UNC80: variants seen among roughly 807,000 people sequenced by gnomAD.
UNC80 encodes the protein unc-80 subunit of NALCN channel complex, also known as protein unc-80 homolog.
A neutral mutation model predicts 384.6 loss-of-function variants in UNC80; 164 were observed. That is an observed-to-expected ratio of 0.43 (90% CI 0.38 to 0.49). UNC80 has a LOEUF of 0.49. Among genes scored for constraint, UNC80 ranks in the 20% least tolerant of loss-of-function variants. The pLI is 0.00. For synonymous variants in UNC80, 1,486 were observed against 1,527.8 expected, an observed-to-expected ratio of 0.97 and a Z score of 0.64; for missense variants, 3,330 against 4,143.0, an observed-to-expected ratio of 0.80 and a Z score of 5.39.
chr2:209,882,315 A>G (rs1288414041), intron 25 of UNC80, among the ~76,000 whole-genome samples: 1 of 152,082 alleles, frequency 6.6e-6, no homozygotes, highest in Non-Finnish European at 1.5e-5. Flanking sequence ...CCGTGTCCCA[A>G]GCAAGGCCAG....
At chr2:209,911,844 C>G (rs2124940531) in intron 29 of UNC80, among the ~76,000 whole-genome samples, 1 of 152,324 alleles carries the variant, frequency 6.6e-6, no homozygotes, top group South Asian at 2.1e-4. Context: ...TTCAGTCCAT[C>G]CCTTGGCATT....
In UNC80 at chr2:209,967,786, C is replaced by A. The variant is rs769365363; in HGVS notation, c.8006+149C>A. 4.3e-4 allele frequency: 281 copies of A among 650,960 alleles called. 1 individual carries two copies. In the Middle Eastern group the frequency reaches 5.1e-3, roughly 12 times the overall value. 40.3% of individuals were successfully genotyped at this position (650,960 alleles called of 1,614,324 possible). On this transcript the variant is annotated intron_variant, in intron 52 of 64. Coordinates refer to ENST00000673920, the MANE Select transcript of UNC80 (RefSeq NM_001371986.1). ...GCATAGTTAATAGGGTCTATGAATG[C>A]CTAAGTAGCAAAGCCTACATTTTGA...
chr2:209,820,689 A>C lies in UNC80; in HGVS notation c.2331+10A>C, dbSNP rs1198764272. On this transcript the variant is annotated intron_variant, in intron 13 of 64. Coordinates refer to ENST00000673920, the MANE Select transcript of UNC80 (RefSeq NM_001371986.1). The stretch of plus-strand genomic sequence containing the variant: ...TAAGAACCAAGAGAAGGTATGACTG[A>C]ACCACCTTATGTGTCCTCATGAAAT... 6.5e-7 allele frequency: 1 copy of C among 1,528,086 alleles called. No individual in the cohort carries two copies. Among genetic ancestry groups the C allele is most frequent in the African/African-American group, 1.4e-5 (1 of 72,198 alleles). 94.7% of individuals were successfully genotyped at this position (1,528,086 alleles called of 1,614,324 possible). A position where few individuals can be genotyped will look rare whatever the true frequency, so the allele number is the denominator to read the frequency against.
rs969184195 is a variant in UNC80 at position 209,941,444 on chromosome 2, C to A, written c.6870C>A (p.Leu2290=). Residue 2290 remains leucine (L), a synonymous_variant, in exon 44 of 65, where the codon CTC becomes CTA. Transcript: ENST00000673920. ...VINTAVHFNH[L]FSLSGYQWIL... Reference sequence around the variant, plus strand: ...ACACCGCGGTGCACTTCAACCACCTCTTCTCTCTCAGCGGCTACCAGTGGA... The same window carrying A: ...ACACCGCGGTGCACTTCAACCACCTATTCTCTCTCAGCGGCTACCAGTGGA... 4 of 1,545,268 alleles carry A rather than the reference C, an allele frequency of 2.6e-6. No homozygotes were observed. Among genetic ancestry groups the A allele is most frequent in the Admixed American group, 2.0e-5 (1 of 50,884 alleles).
chr2:209,933,827 A>T lies in UNC80; in HGVS notation c.6000A>T (p.Gly2000=). 1 of 1,550,382 alleles carries T rather than the reference A, an allele frequency of 6.5e-7. No individual in the cohort carries two copies. Among genetic ancestry groups the T allele is most frequent in the Non-Finnish European group, 8.7e-7 (1 of 1,146,340 alleles). ...CTTCTTATACTGACTTCTAGGTAGG[A>T]TTAATCATGTACTTTGTGCGGACCC... is the stretch of plus-strand genomic sequence containing the variant. The part of the protein sequence containing the change: ...TSHILFNYLV[G]LIMYFVRTPC... Residue 2000 remains glycine, a synonymous_variant, in exon 39 of 65, where the codon GGA becomes GGT. Coordinates refer to ENST00000673920, the MANE Select transcript of UNC80 (RefSeq NM_001371986.1).
At chr2:209,864,831 A>G (rs935472674) in intron 22 of UNC80, among the ~76,000 whole-genome samples, 16 of 152,178 alleles carry the variant, frequency 1.1e-4, no homozygotes, top group African/African-American at 3.1e-4. Flanking sequence ...CCCTCCCACA[A>G]GGAGTTCAAA....
intron 26 of UNC80, among the ~76,000 whole-genome samples, chr2:209,889,171 G>A (rs891969888): frequency 6.6e-6 from 1 of 152,072 alleles, no homozygotes; most frequent in African/African-American, 2.4e-5. Context: ...TTTTTAAATG[G>A]GAGACTACTT....
At chr2:209,831,073 T>C (rs2080928231) in intron 15 of UNC80, among the ~76,000 whole-genome samples, 1 of 152,232 alleles carries the variant, frequency 6.6e-6, no homozygotes, top group South Asian at 2.1e-4. Flanking sequence ...GAATTCTCCA[T>C]TGAGGGGTTA....
At chr2:209,909,333 G>A (rs1046798707) in intron 29 of UNC80, among the ~76,000 whole-genome samples, 1 of 152,152 alleles carries the variant, frequency 6.6e-6, no homozygotes, top group African/African-American at 2.4e-5. Flanking sequence ...ATTCTTCAAA[G>A]GATACAGTAG....
intron 28 of UNC80, among the ~76,000 whole-genome samples, chr2:209,897,898 A>G (rs1024478062): frequency 1.3e-5 from 2 of 152,318 alleles, no homozygotes; most frequent in African/African-American, 4.8e-5. Flanking sequence ...AGTTTATGTA[A>G]TACAGCTAAG....
intron 45 of UNC80, 70 bp from the exon 46 acceptor site, chr2:209,944,981 T>A (rs1158300571): frequency 7.3e-6 from 11 of 1,508,124 alleles, no homozygotes; most frequent in Non-Finnish European, 9.8e-6. Context: ...TTTATAAAAT[T>A]TGAATTCCTG....
chr2:209,831,578 G>A lies in UNC80; in HGVS notation c.2762G>A (p.Ser921Asn), dbSNP rs1468033103. ...GCTTCAACCACACATGAATTGCACA[G>A]CCCTGAGAATCTGGTGAGAAGCTCT... ...RCASTTHELH[S>N]PENLGLYCDI... Residue 921 changes from serine (S) to asparagine (N), a missense_variant, in exon 16 of 65, where the codon AGC becomes AAC. Ser to Asn is a conservative substitution (Grantham distance 46). Around this residue, in one of 8 missense-constraint regions of UNC80, gnomAD observed 937 missense variants for 1,026.8 expected, o/e 0.91. Coordinates refer to ENST00000673920, the MANE Select transcript of UNC80 (RefSeq NM_001371986.1). 3 of 1,543,652 alleles carry A rather than the reference G, an allele frequency of 1.9e-6. No individual in the cohort carries two copies. In the African/African-American group the frequency reaches 4.1e-5, roughly 21 times the overall value.
chr2:209,831,116 G>A (rs1385481076), intron 15 of UNC80, among the ~76,000 whole-genome samples: 2 of 143,412 alleles, frequency 1.4e-5, no homozygotes, highest in East Asian at 4.1e-4. Flanking sequence ...TTTTTTTTCT[G>A]TAAGTGATCA....
intron 4 of UNC80, among the ~76,000 whole-genome samples, chr2:209,779,709 C>T (rs922527671): frequency 3.3e-5 from 5 of 152,016 alleles, no homozygotes; most frequent in African/African-American, 9.7e-5. Flanking sequence ...GGAAGCTGAT[C>T]CAAGTGCTAA....
intron 20 of UNC80, among the ~76,000 whole-genome samples, chr2:209,841,887 A>C (rs1432803614): frequency 6.6e-6 from 1 of 152,168 alleles, no homozygotes; most frequent in East Asian, 1.9e-4. Flanking sequence ...TAATTCTTAG[A>C]AAGAGAAACA....
chr2:209,913,815 C>T lies in UNC80; in HGVS notation c.4904C>T (p.Ser1635Leu), dbSNP rs375118717. ...KYIRLQVMSL[S>L]PAPLSLLIKA... The stretch of plus-strand genomic sequence containing the variant: ...ATCTTTTCCCAGGTGATGAGCTTGT[C>T]GCCTGCTCCCTTATCTCTGTTAATC... The change falls in exon 31 of 65, where the codon TCG becomes TTG. Residue 1635 changes from serine to leucine, a missense_variant. By Grantham distance (145) the Ser-to-Leu change is moderately radical. Around this residue, in one of 8 missense-constraint regions of UNC80, gnomAD observed 801 missense variants for 950.8 expected, o/e 0.84. Transcript: ENST00000673920. The T allele has an allele frequency of 6.5e-6, 10 of 1,547,854 alleles. No individual in the cohort carries two copies. Among genetic ancestry groups the T allele is most frequent in the Middle Eastern group, 3.3e-4 (2 of 5,986 alleles).
At chr2:209,846,513 C>T (rs1021698855) in intron 21 of UNC80, among the ~76,000 whole-genome samples, 1 of 151,840 alleles carries the variant, frequency 6.6e-6, no homozygotes, top group African/African-American at 2.4e-5. Context: ...TTTCATATGT[C>T]TGAAACTTTG....
Position 209,844,480 on chromosome 2 carries a change from C to CTTCCTTCT in UNC80, c.3454+2041_3454+2042insTTTCCTTC, listed in dbSNP as rs1215299616. ...CTTTCTTTCTTTCTTTCTTTCTTTCCTTCCTTCCTTCCTTCCTTCCTTCCT... is the reference window on the plus strand; with the variant it reads ...CTTTCTTTCTTTCTTTCTTTCTTTCCTTCCTTCTTTCCTTCCTTCCTTCCTTCCTTCCT... On this transcript the variant is annotated intron_variant, in intron 21 of 64. Transcript: ENST00000673920. Among the ~76,000 whole-genome samples the CTTCCTTCT allele has an allele frequency of 6.8e-3, 368 of 54,054 alleles. 24 individuals carry two copies. The highest frequency in any genetic ancestry group is 0.029 in the African/African-American group (347 of 12,090). 35.5% of individuals were successfully genotyped at this position (54,054 alleles called of 152,430 possible). A position where few individuals can be genotyped will look rare whatever the true frequency, so the allele number is the denominator to read the frequency against.
intron 18 of UNC80, among the ~76,000 whole-genome samples, chr2:209,836,265 C>T (rs536114415): frequency 9.9e-5 from 15 of 152,044 alleles, no homozygotes; most frequent in South Asian, 6.2e-4. Context: ...AAATAATCAA[C>T]GTGAAAGACA....
Sources: gnomAD v4.1 joint callset for allele counts (sites outside exome capture counted in the v4.1 genomes callset) on GRCh38, gnomAD v4.1.1 for gene constraint, gnomAD v4.1.1 regional missense constraint, MANE v1.5 for transcripts, NCBI Gene and HGNC (gene_info 2026-07-23, HGNC 2026-07-21) for gene names.